IL1RAPL2: variants seen among roughly 807,000 people sequenced by gnomAD.
IL1RAPL2 encodes interleukin 1 receptor accessory protein like 2.
IL1RAPL2 carries 3 observed loss-of-function variants against 44.1 expected under a neutral mutation model. That is an observed-to-expected ratio of 0.07 (90% CI 0.03 to 0.18). The LOEUF (loss-of-function observed/expected upper bound fraction) is 0.18, where lower values mean the gene tolerates loss of function less well. Ranked by LOEUF, IL1RAPL2 falls within the 10% of genes least tolerant of loss-of-function variation. The pLI is 1.00. For missense variants in IL1RAPL2, 391 were observed against 496.4 expected (o/e 0.79, Z 2.02); for synonymous variants, 181 against 178.8 (o/e 1.01, Z -0.10).
At chrX:105,272,987 G>C (rs1384433085) in intron 5 of IL1RAPL2, among the ~76,000 whole-genome samples, 3 of 111,248 alleles carry the variant, frequency 2.7e-5, no homozygotes, top group African/African-American at 9.8e-5. Flanking sequence ...GCAGGGGAGG[G>C]TGAGTTTAGA....
intron 6 of IL1RAPL2, among the ~76,000 whole-genome samples, chrX:105,625,733 A>G (rs1443647476): frequency 1.8e-5 from 2 of 110,777 alleles, no homozygotes; most frequent in African/African-American, 6.6e-5. Flanking sequence ...ACCCCCAACA[A>G]TAAACTACTA....
At chrX:105,346,665 AG>A (rs776919391) in intron 5 of IL1RAPL2, among the ~76,000 whole-genome samples, 7 of 111,827 alleles carry the variant, frequency 6.3e-5, no homozygotes, top group African/African-American at 1.9e-4. Flanking sequence ...GACTAACATC[AG>A]TAGACAAGCT....
chrX:104,829,620 A>G (rs1921554626), intron 2 of IL1RAPL2, among the ~76,000 whole-genome samples: 1 of 112,330 alleles, frequency 8.9e-6, no homozygotes. Context: ...ATCTGATTCA[A>G]CCTTTGTCCA....
At chrX:105,462,186 A>G (rs1302429197) in intron 5 of IL1RAPL2, among the ~76,000 whole-genome samples, 3 of 111,234 alleles carry the variant, frequency 2.7e-5, no homozygotes, top group Admixed American at 1.9e-4. Context: ...AAGGAGCTGC[A>G]TGAGGCCTTG....
At chrX:105,262,175 T>A (rs2034364978) in intron 4 of IL1RAPL2, among the ~76,000 whole-genome samples, 1 of 112,099 alleles carries the variant, frequency 8.9e-6, no homozygotes, top group South Asian at 3.7e-4. Context: ...TGACCTCAGT[T>A]ATCTGATGGA....
chrX:105,038,061 T>C (rs988369010), intron 2 of IL1RAPL2, among the ~76,000 whole-genome samples: 1 of 111,094 alleles, frequency 9.0e-6, no homozygotes, highest in Non-Finnish European at 1.9e-5. Context: ...AGTCAAAGGT[T>C]TTCCACCTTT....
intron 1 of IL1RAPL2, among the ~76,000 whole-genome samples, chrX:104,581,785 T>C (rs1015617480): frequency 3.6e-5 from 4 of 111,361 alleles, no homozygotes; most frequent in Non-Finnish European, 5.6e-5. Context: ...TGCCTCAGCC[T>C]CCCAAAGTGC....
rs371211352 is a variant in IL1RAPL2 at position 105,363,661 on chromosome X, C to T, written c.697+96120C>T. On this transcript the variant is annotated intron_variant, in intron 5 of 10. Transcript: ENST00000372582. ...TTCTAACAGTTGTGAAGTGATACCT[C>T]ATTATGAATTTAATTTTTATTTCTC... Among the ~76,000 whole-genome samples the T allele has an allele frequency of 2.7e-5, 3 of 109,895 alleles. No individual in the cohort carries two copies. The East Asian group carries it at 8.6e-4, about 31-fold the overall frequency.
chrX:104,582,730 T>C (rs1928410022), intron 1 of IL1RAPL2, among the ~76,000 whole-genome samples: 1 of 93,162 alleles, frequency 1.1e-5, no homozygotes, highest in African/African-American at 4.2e-5. Flanking sequence ...TCTCTCTCTC[T>C]CCCTTCCTTC....
At chrX:104,828,891 G>A (rs1921535353) in intron 2 of IL1RAPL2, among the ~76,000 whole-genome samples, 1 of 112,708 alleles carries the variant, frequency 8.9e-6, no homozygotes, top group African/African-American at 3.2e-5. Context: ...AGTGAGCTCT[G>A]CCTAGTCCGA....
intron 5 of IL1RAPL2, among the ~76,000 whole-genome samples, chrX:105,354,950 A>C (rs1159445928): frequency 8.9e-6 from 1 of 111,805 alleles, no homozygotes; most frequent in Non-Finnish European, 1.9e-5. Context: ...CTCAAGCTGG[A>C]GGCCTTGAAG....
chrX:105,401,494 A>C (rs910668008), intron 5 of IL1RAPL2, among the ~76,000 whole-genome samples: 1 of 111,321 alleles, frequency 9.0e-6, no homozygotes, highest in Non-Finnish European at 1.9e-5. Flanking sequence ...TTGAACCTTT[A>C]GGCACTGTAC....
chrX:104,737,971 G>A (rs1046803821), intron 2 of IL1RAPL2, among the ~76,000 whole-genome samples: 2 of 111,852 alleles, frequency 1.8e-5, no homozygotes, highest in Admixed American at 1.9e-4. Context: ...TAATTCCCGT[G>A]GACTAGTTAT....
intron 2 of IL1RAPL2, among the ~76,000 whole-genome samples, chrX:104,659,408 G>A (rs922649415): frequency 5.4e-5 from 6 of 111,631 alleles, no homozygotes; most frequent in Admixed American, 2.9e-4. Flanking sequence ...GTTCCTTATA[G>A]TTGTACCCAG....
chrX:104,669,310 T>C (rs891227131), intron 2 of IL1RAPL2, among the ~76,000 whole-genome samples: 64 of 111,650 alleles, frequency 5.7e-4, no homozygotes, highest in African/African-American at 1.8e-3. Flanking sequence ...CTCTTCCTTT[T>C]TGACACTCTC....
intron 2 of IL1RAPL2, among the ~76,000 whole-genome samples, chrX:104,829,987 A>AGTAGAGCTG (rs1408244292): frequency 8.9e-6 from 1 of 111,917 alleles, no homozygotes; most frequent in Non-Finnish European, 1.9e-5. Context: ...GCTGGTTAAG[A>AGTAGAGCTG]GTAGAGCTGG....
intron 6 of IL1RAPL2, among the ~76,000 whole-genome samples, chrX:105,582,997 T>C (rs2037099832): frequency 9.0e-6 from 1 of 111,415 alleles, no homozygotes; most frequent in Non-Finnish European, 1.9e-5. Flanking sequence ...TGGGAAGTTC[T>C]CATTTCTCTT....
chrX:104,795,409 C>G (rs1868607559), intron 2 of IL1RAPL2, among the ~76,000 whole-genome samples: 1 of 93,084 alleles, frequency 1.1e-5, no homozygotes, highest in African/African-American at 3.6e-5. Flanking sequence ...TTCTATCCCT[C>G]TCTCCCTTCC....
chrX:105,302,134 A>G (rs1475371519), intron 5 of IL1RAPL2, among the ~76,000 whole-genome samples: 2 of 112,040 alleles, frequency 1.8e-5, no homozygotes, highest in Non-Finnish European at 3.8e-5. Context: ...GTACCTCTTC[A>G]TATGCTTCTT....
Sources: gnomAD v4.1 joint callset for allele counts (sites outside exome capture counted in the v4.1 genomes callset) on GRCh38, gnomAD v4.1.1 for gene constraint, MANE v1.5 for transcripts, NCBI Gene and HGNC (gene_info 2026-07-23, HGNC 2026-07-21) for gene names.